Variants in DUOX2 observed in about 807,000 individuals in gnomAD.
DUOX2 encodes the protein dual oxidase 2.
DUOX2 carries 185 observed loss-of-function variants against 183.3 expected under a neutral mutation model. The observed-to-expected ratio is 1.01, with a 90% confidence interval of 0.90 to 1.14. The LOEUF is 1.14. Ranked by LOEUF, DUOX2 falls within the 50% of genes most tolerant of loss-of-function variation. DUOX2 has a pLI of 0.00. For synonymous variants in DUOX2, 788 were observed against 812.4 expected (o/e 0.97, Z 0.51); for missense variants, 1,999 against 2,022.9 (o/e 0.99, Z 0.23).
chr15:45,104,455 G>T, intron 18 of DUOX2, 90 bp from the exon 19 acceptor site: 1 of 1,513,362 alleles, frequency 6.6e-7, no homozygotes, highest in Non-Finnish European at 9.0e-7. Flanking sequence ...TCTCCCCAAA[G>T]TCCAAATCAG....
chr15:45,113,249 C>T, intron 2 of DUOX2, 93 bp downstream of exon 2: 1 of 1,482,846 alleles, frequency 6.7e-7, no homozygotes, highest in East Asian at 2.5e-5. Context: ...AAATGACCTT[C>T]CAGTCTCAGG....
In DUOX2 at chr15:45,112,311, G is replaced by A. The variant is rs117653922; in HGVS notation, c.325+243C>T. Reference sequence around the variant, plus strand: ...GAGCTCAGTTCCCAAGAGCTATAATGGGGGTCCAGTGACACCCCTAGGTTG... The same window carrying A: ...GAGCTCAGTTCCCAAGAGCTATAATAGGGGTCCAGTGACACCCCTAGGTTG... On this transcript the variant is annotated intron_variant, in intron 4 of 33. Transcript: ENST00000389039. Among the ~76,000 whole-genome samples the A allele has an allele frequency of 8.2e-3, 1,249 of 152,278 alleles. 9 individuals are homozygous for A. The highest frequency in any genetic ancestry group is 0.014 in the Non-Finnish European group (951 of 68,030).
At position 45,104,190 on chromosome 15, in the gene DUOX2, C is replaced by T. The variant is rs1208199516; in HGVS notation, c.2510G>A (p.Gly837Asp). Reference protein sequence around the residue: ...MFSLADKDGNGYLSFREFLDI... With the variant: ...MFSLADKDGNDYLSFREFLDI... ...CAGGAACTCTCGGAAGGACAGGTAG[C>T]CATTGCCATCCTTGTCAGCCAGAGA... Residue 837 changes from glycine to aspartate, a missense_variant, in exon 19 of 34, where the codon GGC becomes GAC. Around this residue, in one of 3 missense-constraint regions of DUOX2, gnomAD observed 1,628 missense variants for 1,608.6 expected, o/e 1.01. Coordinates refer to ENST00000389039, the MANE Select transcript of DUOX2 (RefSeq NM_001363711.2). The T allele has an allele frequency of 2.5e-6, 4 of 1,614,180 alleles. No individual in the cohort carries two copies. Among genetic ancestry groups the T allele is most frequent in the Middle Eastern group, 3.3e-4 (2 of 6,062 alleles).
At chr15:45,105,870 G>A (rs377310074) in intron 17 of DUOX2, 42 bp from the exon 18 acceptor site, 14 of 1,610,426 alleles carry the variant, frequency 8.7e-6, no homozygotes, top group Non-Finnish European at 1.2e-5. Flanking sequence ...GAGCTCGCTG[G>A]ACCTTCTGCT....
At position 45,099,653 on chromosome 15, in the gene DUOX2, G is replaced by C; in HGVS notation, c.3415+9C>G. The C allele has an allele frequency of 6.2e-7, 1 of 1,614,062 alleles. No homozygotes were observed. The highest frequency in any genetic ancestry group is 8.5e-7 in the Non-Finnish European group (1 of 1,179,924). On this transcript the variant is annotated intron_variant, in intron 25 of 33. Coordinates refer to ENST00000389039, the MANE Select transcript of DUOX2 (RefSeq NM_001363711.2). ...GCAGCAAAGAGGAAGAAGCCTGGGA[G>C]TCACGTACTGGCCAGGACAACAGCA...
At chr15:45,094,305 C>A (rs932551757) in intron 33 of DUOX2, 33 bp from the exon 34 acceptor site, 10 of 1,613,786 alleles carry the variant, frequency 6.2e-6, no homozygotes, top group Non-Finnish European at 8.5e-6. Context: ...GAGGGGCCTG[C>A]AGCCTAAAGG....
chr15:45,106,878 G>A lies in DUOX2; in HGVS notation c.1785C>T (p.Ser595=), dbSNP rs2141152060. The part of the protein sequence containing the change: ...LTVLDFFEGS[S]PGFAITIIAL... ...CAATGATGGTGATGGCAAAACCAGG[G>A]CTGCTGCCTTCAAAGAAGTCAAGCA... The change falls in exon 15 of 34, where the codon AGC becomes AGT. Residue 595 remains serine (S), a synonymous_variant. Coordinates refer to ENST00000389039, the MANE Select transcript of DUOX2 (RefSeq NM_001363711.2). 6.3e-7 allele frequency: 1 copy of A among 1,588,244 alleles called. No individual in the cohort carries two copies. Among genetic ancestry groups the A allele is most frequent in the Non-Finnish European group, 8.6e-7 (1 of 1,168,022 alleles).
intron 12 of DUOX2, 79 bp downstream of exon 12, chr15:45,108,710 G>T: frequency 7.0e-7 from 1 of 1,426,372 alleles, no homozygotes; most frequent in Non-Finnish European, 9.9e-7. Context: ...GATTAAATGA[G>T]TCAACATATG....
At chr15:45,099,339 G>A in intron 26 of DUOX2, 44 bp downstream of exon 26, 2 of 1,568,620 alleles carry the variant, frequency 1.3e-6, no homozygotes, top group Non-Finnish European at 1.8e-6. Flanking sequence ...TATACCCTTG[G>A]GCCCACCCTA....
chr15:45,097,660 C>T lies in DUOX2; in HGVS notation c.3647G>A (p.Arg1216Gln), dbSNP rs573863782. ...ASHHFRRRSF[R>Q]GFWLTHHLYI... ...GAGGTGGTGGGTCAGCCAGAAGCCC[C>T]GGAAGCTGCGGCGGCGGAAGTGGTG... The change falls in exon 28 of 34, where the codon CGG becomes CAG. Residue 1216 changes from arginine (R) to glutamine (Q), a missense_variant. Physicochemically the swap from Arg to Gln is conservative, Grantham distance 43. Around this residue, in one of 3 missense-constraint regions of DUOX2, gnomAD observed 1,628 missense variants for 1,608.6 expected, o/e 1.01. Transcript: ENST00000389039. 8.7e-6 allele frequency: 14 copies of T among 1,614,206 alleles called. No homozygotes were observed. The highest frequency in any genetic ancestry group is 5.5e-5 in the South Asian group (5 of 91,084).
In DUOX2 at chr15:45,109,629, G is replaced by A. The variant is rs751049453; in HGVS notation, c.1132-3C>T. The A allele has an allele frequency of 1.9e-6, 3 of 1,614,034 alleles. No homozygotes were observed. The highest frequency in any genetic ancestry group is 2.5e-6 in the Non-Finnish European group (3 of 1,179,978). ...TGGGTACTGTTCAGATTGGGGTTCTGGAAGTAAACAATGCACTCAAGATAG... is the reference window on the plus strand; with the variant it reads ...TGGGTACTGTTCAGATTGGGGTTCTAGAAGTAAACAATGCACTCAAGATAG... On this transcript the variant is annotated splice_polypyrimidine_tract_variant and splice_region_variant and intron_variant, in intron 10 of 33. Transcript: ENST00000389039.
chr15:45,094,590 G>A lies in DUOX2; in HGVS notation c.4497C>T (p.Phe1499=). The A allele has an allele frequency of 1.2e-6, 2 of 1,614,002 alleles. No homozygotes were observed. Among genetic ancestry groups the A allele is most frequent in the Non-Finnish European group, 1.7e-6 (2 of 1,179,966 alleles). Residue 1499 remains phenylalanine (F), a synonymous_variant, in exon 33 of 34, where the codon TTC becomes TTT. Transcript: ENST00000389039. The part of the protein sequence containing the change: ...HFGRPPFEPF[F]NSLQEVHPQV... ...GTGGGTGGACCTCCTGCAGGGAGTT[G>A]AAGAAGGGCTCGAAGGGGGGACGGC...
At chr15:45,109,842 A>G (rs745348444) in intron 10 of DUOX2, 48 bp downstream of exon 10, 1 of 1,571,266 alleles carries the variant, frequency 6.4e-7, no homozygotes, top group Non-Finnish European at 8.8e-7. Context: ...GCCTGTGTGA[A>G]GAGACTGACC....
At chr15:45,097,870 C>T in intron 27 of DUOX2, 129 bp from the exon 28 acceptor site, 1 of 1,565,858 alleles carries the variant, frequency 6.4e-7, no homozygotes, top group Non-Finnish European at 8.8e-7. Flanking sequence ...AAAAGCCTGC[C>T]TGGAGGGATT....
At position 45,101,796 on chromosome 15, in the gene DUOX2, T is replaced by C; in HGVS notation, c.2848A>G (p.Asn950Asp). 3 of 1,614,104 alleles carry C rather than the reference T, an allele frequency of 1.9e-6. No individual in the cohort carries two copies. Among genetic ancestry groups the C allele is most frequent in the Non-Finnish European group, 2.5e-6 (3 of 1,180,016 alleles). Residue 950 changes from asparagine (N) to aspartate (D), a missense_variant, in exon 21 of 34, where the codon AAT becomes GAT. By Grantham distance (23) the Asn-to-Asp change is conservative. Around this residue, in one of 3 missense-constraint regions of DUOX2, gnomAD observed 1,628 missense variants for 1,608.6 expected, o/e 1.01. Transcript: ENST00000389039. The part of the protein sequence containing the change: ...LCVKGGGGGG[N>D]GIRDIFKQNI... ...CAACCATTCCTCACACACTCACCAT[T>C]TCCACCTCCACCTCCACCTTTGACA... is the stretch of plus-strand genomic sequence containing the variant.
chr15:45,098,324 G>A (rs1451583054), intron 26 of DUOX2, among the ~76,000 whole-genome samples: 1 of 152,142 alleles, frequency 6.6e-6, no homozygotes, highest in Non-Finnish European at 1.5e-5. Flanking sequence ...TCATTATTCT[G>A]TAAGCTCCAT....
rs145061993 is a variant in DUOX2, at chr15:45,104,365, C to T, written c.2335G>A (p.Val779Met). 1.4e-4 allele frequency: 227 copies of T among 1,613,412 alleles called. No homozygotes were observed. The East Asian group carries it at 4.9e-3, about 35-fold the overall frequency. ...EIFFRHLFAQ[V>M]LDINQADAGT... The stretch of plus-strand genomic sequence containing the variant: ...GCGTCGGCCTGGTTGATGTCCAGCA[C>T]CTGCACTCGGGCAGCAGCAGAGGGA... Residue 779 changes from valine to methionine, a missense_variant and splice_region_variant, in exon 19 of 34, where the codon GTG becomes ATG. Physicochemically the swap from Val to Met is conservative, Grantham distance 21 (BLOSUM62 1). Around this residue, in one of 3 missense-constraint regions of DUOX2, gnomAD observed 1,628 missense variants for 1,608.6 expected, o/e 1.01. Coordinates refer to ENST00000389039, the MANE Select transcript of DUOX2 (RefSeq NM_001363711.2).
rs201263758 is a variant in DUOX2 at position 45,100,107 on chromosome 15, C to T, written c.3127G>A (p.Val1043Met). The T allele has an allele frequency of 5.0e-4, 813 of 1,614,094 alleles. No homozygotes were observed. Among genetic ancestry groups the T allele is most frequent in the Non-Finnish European group, 6.3e-4 (740 of 1,180,040 alleles). The change falls in exon 24 of 34, where the codon GTG (valine) becomes ATG (methionine). Residue 1043 changes from valine (V) to methionine (M), a missense_variant. Around this residue, in one of 3 missense-constraint regions of DUOX2, gnomAD observed 1,628 missense variants for 1,608.6 expected, o/e 1.01. Transcript: ENST00000389039. ...RFVENYRRHI[V>M]CVAIFSAICV... ...ATGGCCGAGAAGATTGCCACACACA[C>T]GATGTGCCTCCGGTAGTTCTCCACG...
chr15:45,106,327 G>A lies in DUOX2; in HGVS notation c.1946C>T (p.Ala649Val), dbSNP rs748793969. 1.2e-5 allele frequency: 20 copies of A among 1,613,840 alleles called. No homozygotes were observed. In the Middle Eastern group the frequency reaches 6.6e-4, roughly 53 times the overall value. Reference protein sequence around the residue: ...KKEAAKDGVPAMEWPGPKERS... With the variant: ...KKEAAKDGVPVMEWPGPKERS... ...CTCCTTGGGGCCTGGCCACTCCATC[G>A]CTGGGGAAGGGATAATTGGGCCGGG... The change falls in exon 17 of 34, where the codon GCG becomes GTG. Residue 649 changes from alanine to valine, a missense_variant and splice_region_variant. Ala to Val is a moderately conservative substitution (Grantham distance 64, BLOSUM62 0). Coordinates refer to ENST00000389039, the MANE Select transcript of DUOX2 (RefSeq NM_001363711.2).
Sources: gnomAD v4.1 joint callset for allele counts (sites outside exome capture counted in the v4.1 genomes callset) on GRCh38, gnomAD v4.1.1 for gene constraint, gnomAD v4.1.1 regional missense constraint, MANE v1.5 for transcripts, NCBI Gene and HGNC (gene_info 2026-07-23, HGNC 2026-07-21) for gene names.